GRAMD2A: variants seen among roughly 807,000 people sequenced by gnomAD.
The protein encoded by GRAMD2A is GRAM domain containing 2A, also known as GRAM domain-containing protein 2A.
In GRAMD2A, 37 loss-of-function variants were observed where a neutral mutation model predicts 51.1. The observed-to-expected ratio is 0.72, with a 90% CI of 0.56 to 0.95. The LOEUF (loss-of-function observed/expected upper bound fraction) is 0.95, where lower values mean the gene tolerates loss of function less well. Ranked by LOEUF, GRAMD2A falls within the 40% of genes least tolerant of loss-of-function variation. The pLI, the probability that GRAMD2A is intolerant of heterozygous loss-of-function variation, is 0.00. For missense variants in GRAMD2A, 414 were observed against 426.9 expected (o/e 0.97, Z 0.27); for synonymous variants, 136 against 157.1 (o/e 0.87, Z 1.01).
chr15:72,173,915 C>T (rs1032804698), intron 1 of GRAMD2A: 2 of 115,018 alleles, frequency 1.7e-5, no homozygotes. Flanking sequence ...GCCTGGGCGA[C>T]GAGAGTGAAA....
chr15:72,181,829 A>G (rs1233164574), intron 1 of GRAMD2A, among the ~76,000 whole-genome samples: 1 of 152,212 alleles, frequency 6.6e-6, no homozygotes, highest in Non-Finnish European at 1.5e-5. Context: ...TATATGACTA[A>G]GAAGCTCAGA....
At chr15:72,183,484 C>G (rs950929194) in intron 1 of GRAMD2A, among the ~76,000 whole-genome samples, 2 of 151,802 alleles carry the variant, frequency 1.3e-5, no homozygotes, top group African/African-American at 4.8e-5. Context: ...CACTGCACTC[C>G]AGCCTGGGCG....
chr15:72,160,202 ACAAC>A lies in GRAMD2A; in HGVS notation c.*1803_*1806del, dbSNP rs2081456217. The A allele has an allele frequency of 6.6e-6, 1 of 152,134 alleles. No individual in the cohort carries two copies. Among genetic ancestry groups the A allele is most frequent in the African/African-American group, 2.4e-5 (1 of 41,414 alleles). 9.4% of individuals were successfully genotyped at this position (152,134 alleles called of 1,614,324 possible). A position where few individuals can be genotyped will look rare whatever the true frequency, so the allele number is the denominator to read the frequency against. ...TAACTGGCACCTCTCATGGCCTCTG[ACAAC>A]CAAGCAAGGCTCAGAGAATGGATTT... On this transcript the variant is annotated 3_prime_UTR_variant, in exon 12 of 12. Coordinates refer to ENST00000309731, the MANE Select transcript of GRAMD2A (RefSeq NM_001012642.3).
At chr15:72,178,675 TGC>T (rs1567088123) in intron 1 of GRAMD2A, among the ~76,000 whole-genome samples, 1 of 149,808 alleles carries the variant, frequency 6.7e-6, no homozygotes. Flanking sequence ...TCTGGGTTCG[TGC>T]CGTTCTCCTG....
intron 1 of GRAMD2A, among the ~76,000 whole-genome samples, chr15:72,184,646 C>T (rs1057293409): frequency 6.6e-6 from 1 of 152,216 alleles, no homozygotes; most frequent in Non-Finnish European, 1.5e-5. Context: ...AGATTCCTGA[C>T]CAATGACCTC....
At chr15:72,181,565 G>A (rs2081697571) in intron 1 of GRAMD2A, among the ~76,000 whole-genome samples, 2 of 152,194 alleles carry the variant, frequency 1.3e-5, no homozygotes, top group Admixed American at 1.3e-4. Context: ...GGTGATGGAG[G>A]GCCAGGGATG....
chr15:72,186,602 C>T (rs1028057252), intron 1 of GRAMD2A, among the ~76,000 whole-genome samples: 5 of 152,170 alleles, frequency 3.3e-5, no homozygotes, highest in Admixed American at 6.5e-5. Context: ...GGATTACGGG[C>T]GTGAGCCACT....
chr15:72,175,121 A>T (rs2081643464), intron 1 of GRAMD2A, among the ~76,000 whole-genome samples: 1 of 151,954 alleles, frequency 6.6e-6, no homozygotes, highest in African/African-American at 2.4e-5. Flanking sequence ...CCCAGGCCAG[A>T]ATACTCCACT....
chr15:72,169,818 G>A, intron 2 of GRAMD2A, 29 bp downstream of exon 2: 7 of 1,539,726 alleles, frequency 4.5e-6, no homozygotes, highest in Non-Finnish European at 6.3e-6. Flanking sequence ...TAGTCTGTGT[G>A]TATCTATGAC....
chr15:72,160,415 A>C lies in GRAMD2A; in HGVS notation c.*1594T>G, dbSNP rs2081460811. 1 of 152,126 alleles carries C rather than the reference A, an allele frequency of 6.6e-6. No individual in the cohort carries two copies. Among genetic ancestry groups the C allele is most frequent in the Non-Finnish European group, 1.5e-5 (1 of 68,040 alleles). 9.4% of individuals were successfully genotyped at this position (152,126 alleles called of 1,614,324 possible). On this transcript the variant is annotated 3_prime_UTR_variant, in exon 12 of 12. Coordinates refer to ENST00000309731, the MANE Select transcript of GRAMD2A (RefSeq NM_001012642.3). ...CATACAGATTTGGTGCAAGCAACAC[A>C]AAAGGCCAGGCTCTAAATTTCATCC...
Position 72,167,687 on chromosome 15 carries a change from G to T in GRAMD2A, c.372+49C>A, listed in dbSNP as rs773414979. ...TTTGAGGCATGCCCGTGGGGCAGGAGGCTGGCTCCCCTCACAGGGTCATGG... is the reference window on the plus strand; with the variant it reads ...TTTGAGGCATGCCCGTGGGGCAGGATGCTGGCTCCCCTCACAGGGTCATGG... On this transcript the variant is annotated intron_variant, in intron 5 of 11. Transcript: ENST00000309731. The T allele has an allele frequency of 2.0e-5, 28 of 1,401,614 alleles. No homozygotes were observed. The African/African-American group carries it at 3.3e-4, about 16-fold the overall frequency. 86.8% of individuals were successfully genotyped at this position (1,401,614 alleles called of 1,614,324 possible). A position where few individuals can be genotyped will look rare whatever the true frequency, so the allele number is the denominator to read the frequency against.
intron 1 of GRAMD2A, among the ~76,000 whole-genome samples, chr15:72,179,719 A>T (rs1702385731): frequency 1.3e-5 from 2 of 152,198 alleles, no homozygotes; most frequent in African/African-American, 4.8e-5. Flanking sequence ...GGGGACACCC[A>T]TAACCCTGCC....
chr15:72,171,838 T>TA (rs1555434743), intron 1 of GRAMD2A, among the ~76,000 whole-genome samples: 2 of 151,594 alleles, frequency 1.3e-5, no homozygotes, highest in East Asian at 1.9e-4. Context: ...CTTTTTTATT[T>TA]TTTTTTTTTG....
At position 72,191,318 on chromosome 15, in the gene GRAMD2A, A is replaced by G. The variant is rs373783037; in HGVS notation, c.41+6413T>C. Among the ~76,000 whole-genome samples, 118 of 151,896 alleles carry G rather than the reference A, an allele frequency of 7.8e-4. 1 individual carries two copies. The highest frequency in any genetic ancestry group is 3.4e-3 in the Middle Eastern group (1 of 294). ...GAGTTCAAGCGATTCTCCTGCCTCA[A>G]CCTCCTGAGTAGCTGGGATTACAGG... is the stretch of plus-strand genomic sequence containing the variant. On this transcript the variant is annotated intron_variant, in intron 1 of 11. Transcript: ENST00000309731.
chr15:72,197,223 G>A (rs1337088949), intron 1 of GRAMD2A, among the ~76,000 whole-genome samples: 3 of 152,182 alleles, frequency 2.0e-5, no homozygotes, highest in African/African-American at 7.2e-5. Context: ...ACAGCTCCGA[G>A]CTGCCTCCCC....
intron 1 of GRAMD2A, among the ~76,000 whole-genome samples, chr15:72,193,414 C>T (rs1388938725): frequency 4.6e-5 from 7 of 151,816 alleles, no homozygotes; most frequent in Admixed American, 2.0e-4. Flanking sequence ...GACAGGGTTT[C>T]ACTATGTTGG....
chr15:72,194,731 G>A (rs778421346), intron 1 of GRAMD2A, among the ~76,000 whole-genome samples: 3 of 151,490 alleles, frequency 2.0e-5, no homozygotes, highest in Non-Finnish European at 2.9e-5. Flanking sequence ...TCTGTCGCCC[G>A]GGCTGGAATG....
intron 10 of GRAMD2A, 146 bp downstream of exon 10, chr15:72,163,120 G>A (rs978538885): frequency 1.6e-6 from 1 of 606,186 alleles, no homozygotes; most frequent in East Asian, 2.7e-5. Flanking sequence ...GTGCCACATG[G>A]CCTTCAGATA....
intron 1 of GRAMD2A, among the ~76,000 whole-genome samples, chr15:72,174,174 C>T (rs755147992): frequency 6.6e-5 from 10 of 152,120 alleles, no homozygotes; most frequent in Middle Eastern, 3.4e-3. Context: ...TTTATTTTGA[C>T]GAATGAAAAT....
Sources: gnomAD v4.1 joint callset for allele counts (sites outside exome capture counted in the v4.1 genomes callset) on GRCh38, gnomAD v4.1.1 for gene constraint, MANE v1.5 for transcripts, NCBI Gene and HGNC (gene_info 2026-07-23, HGNC 2026-07-21) for gene names.